Variants in RARG observed in about 807,000 individuals in gnomAD.
RARG encodes the protein RAR-gamma.
A neutral mutation model predicts 43.7 loss-of-function variants in RARG; 17 were observed. The observed-to-expected ratio is 0.39, with a 90% confidence interval of 0.27 to 0.58. The LOEUF (loss-of-function observed/expected upper bound fraction) is 0.58, where lower values mean the gene tolerates loss of function less well. Among genes scored for constraint, RARG ranks in the 20% least tolerant of loss-of-function variants. The pLI, the probability that RARG is intolerant of heterozygous loss-of-function variation, is 0.57. For missense variants in RARG, 346 were observed against 598.7 expected (o/e 0.58, Z 4.40); for synonymous variants, 238 against 236.4 (o/e 1.01, Z -0.06).
Position 53,215,187 on chromosome 12 carries a change from G to A in RARG, c.475+106C>T, listed in dbSNP as rs1334448467. On this transcript the variant is annotated intron_variant, in intron 5 of 9. Transcript: ENST00000425354. This position sits in a 1 kb window ranked among gnomAD's most constrained non-coding sequence, Gnocchi z 6.4. ...TGGGAGAAGGCAGCACCCCAGGGCA[G>A]GCCAAGTCTCAGAGGTCAGGGAAGT... 8 of 1,441,214 alleles carry A rather than the reference G, an allele frequency of 5.6e-6. No individual in the cohort carries two copies. In the Admixed American group the frequency reaches 1.7e-4, roughly 30 times the overall value. The allele number at this position is 1,441,214 out of a possible 1,614,324, so 89.3% of individuals were successfully genotyped here.
chr12:53,220,284 G>T, intron 3 of RARG: 1 of 1,317,190 alleles, frequency 7.6e-7, no homozygotes, highest in Non-Finnish European at 9.9e-7. Context: ...AGGGGAAAGG[G>T]ACTGGGCGGG....
chr12:53,213,118 T>A lies in RARG; in HGVS notation c.1144A>T (p.Lys382Ter). ...CTGATGCCCCGGAGGTCGGTGATTT[T>A]CATTAGCATCCTTGGGAACATGTAG... The part of the protein sequence containing the change: ...QPYMFPRMLM[K>*]ITDLRGISTK... The change falls in exon 9 of 10, where the codon AAA becomes TAA. Residue 382 changes from lysine to a stop codon, truncating the protein, a stop_gained. Transcript: ENST00000425354. LOFTEE classifies it high-confidence loss of function. This position sits in a 1 kb window ranked among gnomAD's most constrained non-coding sequence, Gnocchi z 4.7. 1 of 1,614,166 alleles carries A rather than the reference T, an allele frequency of 6.2e-7. No homozygotes were observed. The highest frequency in any genetic ancestry group is 8.5e-7 in the Non-Finnish European group (1 of 1,180,018).
chr12:53,212,761 CACACACACACACACACACAT>C (rs1942638250), intron 9 of RARG, among the ~76,000 whole-genome samples: 1 of 151,498 alleles, frequency 6.6e-6, no homozygotes, highest in African/African-American at 2.4e-5. Flanking sequence ...CACACACACA[CACACACACACACACACACAT>C]ACTTGGAATT....
intron 3 of RARG, among the ~76,000 whole-genome samples, chr12:53,220,691 T>G (rs1180956840): frequency 6.6e-6 from 1 of 152,124 alleles, no homozygotes; most frequent in Non-Finnish European, 1.5e-5. Context: ...TTTGCATGCA[T>G]TTGCACTGAG....
intron 3 of RARG, among the ~76,000 whole-genome samples, chr12:53,217,505 A>C (rs1323468632): frequency 1.3e-5 from 2 of 152,204 alleles, no homozygotes; most frequent in Non-Finnish European, 2.9e-5. Context: ...AGTGCCAGCC[A>C]ATTATAAGAC....
chr12:53,225,658 G>A (rs371149844), intron 3 of RARG, among the ~76,000 whole-genome samples: 3 of 152,192 alleles, frequency 2.0e-5, no homozygotes, highest in South Asian at 2.1e-4. Flanking sequence ...TCTTTCCCCC[G>A]CCCTTCAATC....
At chr12:53,217,540 G>A (rs759698583) in intron 3 of RARG, among the ~76,000 whole-genome samples, 2 of 152,182 alleles carry the variant, frequency 1.3e-5, no homozygotes, top group Non-Finnish European at 2.9e-5. Flanking sequence ...AGACAGGCCC[G>A]GGGGCAACTT....
Position 53,215,331 on chromosome 12 carries a change from C to T in RARG, c.437G>A (p.Arg146Gln), listed in dbSNP as rs1254896676. The T allele has an allele frequency of 6.2e-7, 1 of 1,613,952 alleles. No homozygotes were observed. The highest frequency in any genetic ancestry group is 8.5e-7 in the Non-Finnish European group (1 of 1,179,998). Residue 146 changes from arginine (R) to glutamine (Q), a missense_variant, in exon 5 of 10, where the codon CGG becomes CAG. This residue lies in a region of RARG where 50 missense variants were observed against 117.7 expected (regional missense o/e 0.42). Transcript: ENST00000425354. The surrounding 1 kb of genome is among the most constrained non-coding windows in gnomAD (Gnocchi z 6.4). ...GCCCACTTCGAAGCACTTCTGTAGC[C>T]GGCAGTACTGGCAGCGATTCCTGGT... ...KVTRNRCQYC[R>Q]LQKCFEVGMS...
At chr12:53,228,888 C>T (rs186158078) in intron 2 of RARG, among the ~76,000 whole-genome samples, 2 of 152,142 alleles carry the variant, frequency 1.3e-5, no homozygotes, top group Non-Finnish European at 2.9e-5. Context: ...GCCTCCTTTT[C>T]TTTCTTATCC....
intron 2 of RARG, chr12:53,229,814 G>T: frequency 2.2e-6 from 1 of 457,338 alleles, no homozygotes; most frequent in Non-Finnish European, 2.9e-6. Flanking sequence ...CTCTGCCTTA[G>T]CCCTCCTTGT....
chr12:53,212,733 TATATACACACACAC>T (rs1275385800), intron 9 of RARG, among the ~76,000 whole-genome samples: 3 of 130,796 alleles, frequency 2.3e-5, no homozygotes, highest in African/African-American at 9.3e-5. Context: ...TCTAAATATA[TATATACACACACAC>T]ACACACACAC....
At chr12:53,230,441 C>T (rs908045841) in intron 2 of RARG, among the ~76,000 whole-genome samples, 4 of 152,208 alleles carry the variant, frequency 2.6e-5, no homozygotes, top group East Asian at 1.9e-4. Context: ...TGTATAAACA[C>T]GACCACCTTT....
intron 3 of RARG, among the ~76,000 whole-genome samples, chr12:53,226,722 G>A (rs181181069): frequency 2.1e-5 from 3 of 144,844 alleles, no homozygotes; most frequent in African/African-American, 5.1e-5. Flanking sequence ...AGCAATTCTC[G>A]TGCCTCAGCC....
At chr12:53,217,476 G>A (rs140981921) in intron 3 of RARG, among the ~76,000 whole-genome samples, 1 of 152,206 alleles carries the variant, frequency 6.6e-6, no homozygotes, top group African/African-American at 2.4e-5. Flanking sequence ...GCCTGGGTGC[G>A]GTCAGACTGG....
intron 2 of RARG, among the ~76,000 whole-genome samples, chr12:53,230,794 G>A (rs1381106864): frequency 6.6e-6 from 1 of 151,966 alleles, no homozygotes; most frequent in African/African-American, 2.4e-5. Flanking sequence ...GGGGTGTGGG[G>A]GGGCGTGCCC....
chr12:53,217,293 ATG>A (rs2120648438), intron 3 of RARG, among the ~76,000 whole-genome samples: 1 of 152,208 alleles, frequency 6.6e-6, no homozygotes, highest in East Asian at 1.9e-4. Context: ...GTGCTGAGAG[ATG>A]TGAGGAGGGC....
At chr12:53,220,450 C>G in intron 3 of RARG, 3 of 813,946 alleles carry the variant, frequency 3.7e-6, no homozygotes, top group Middle Eastern at 7.8e-4. Flanking sequence ...ATGAGCAAAG[C>G]TGAGAGTGGA....
chr12:53,230,839 G>A (rs1943217885), intron 2 of RARG, among the ~76,000 whole-genome samples: 2 of 9,010 alleles, frequency 2.2e-4, no homozygotes, highest in Non-Finnish European at 4.8e-4. Flanking sequence ...CACAGTGCGT[G>A]TGTGTGTGTG....
In RARG at chr12:53,214,234, T is replaced by C; in HGVS notation, c.638A>G (p.Asn213Ser). The change falls in exon 7 of 10, where the codon AAC becomes AGC. Residue 213 changes from asparagine to serine, a missense_variant and splice_region_variant. Physicochemically the swap from Asn to Ser is conservative, Grantham distance 46 (BLOSUM62 1). Coordinates refer to ENST00000425354, the MANE Select transcript of RARG (RefSeq NM_000966.6). The part of the protein sequence containing the change: ...SLCQLGKYTT[N>S]SSADHRVQLD... ...CTGCACGCGGTGGTCTGCACTGGAG[T>C]TCTGCAGAGGGGAGGGGTAGAAGGT... The C allele has an allele frequency of 6.2e-7, 1 of 1,611,982 alleles. No homozygotes were observed. The highest frequency in any genetic ancestry group is 8.5e-7 in the Non-Finnish European group (1 of 1,178,210).
Sources: allele counts gnomAD v4.1 joint callset (sites outside exome capture counted in the v4.1 genomes callset), GRCh38; gene constraint gnomAD v4.1.1; regional missense constraint gnomAD v4.1.1; non-coding constraint Gnocchi (gnomAD v3.1); transcripts MANE v1.5; gene names NCBI Gene and HGNC (gene_info 2026-07-23, HGNC 2026-07-21).